SUGCT: variants seen among roughly 807,000 people sequenced by gnomAD.
SUGCT encodes succinyl-CoA:glutarate-CoA transferase.
SUGCT carries 41 observed loss-of-function variants against 55.0 expected under a neutral mutation model. The observed-to-expected ratio is 0.74, with a 90% CI of 0.58 to 0.97. The LOEUF (loss-of-function observed/expected upper bound fraction) is 0.97, where lower values mean the gene tolerates loss of function less well. Ranked by LOEUF, SUGCT falls within the 50% of genes least tolerant of loss-of-function variation. The pLI, the probability that SUGCT is intolerant of heterozygous loss-of-function variation, is 0.00. For missense variants in SUGCT, 568 were observed against 547.8 expected (o/e 1.04, Z -0.37); for synonymous variants, 187 against 200.4 (o/e 0.93, Z 0.56).
At chr7:40,541,613 A>G (rs181347053) in intron 12 of SUGCT, among the ~76,000 whole-genome samples, 19 of 152,344 alleles carry the variant, frequency 1.2e-4, no homozygotes, top group Admixed American at 1.3e-4. Flanking sequence ...TCTATCACAG[A>G]ATCCAGTAAT....
intron 12 of SUGCT, among the ~76,000 whole-genome samples, chr7:40,574,624 G>T (rs1796624627): frequency 6.6e-6 from 1 of 152,152 alleles, no homozygotes; most frequent in African/African-American, 2.4e-5. Context: ...TAGAGACAGG[G>T]TTTCACCATG....
intron 12 of SUGCT, among the ~76,000 whole-genome samples, chr7:40,735,848 T>A (rs1332470821): frequency 1.3e-5 from 2 of 152,118 alleles, no homozygotes; most frequent in African/African-American, 2.4e-5. Context: ...TATCTACAAA[T>A]CTACTGTCCT....
chr7:40,910,841 A>G, the SUGCT span, among the ~76,000 whole-genome samples: 2 of 152,220 alleles, frequency 1.3e-5, no homozygotes, highest in Admixed American at 6.5e-5. Flanking sequence ...CATGTATTTA[A>G]TGATTTCCTT....
intron 11 of SUGCT, among the ~76,000 whole-genome samples, chr7:40,459,811 T>C (rs1386730939): frequency 6.6e-6 from 1 of 152,240 alleles, no homozygotes; most frequent in Non-Finnish European, 1.5e-5. Context: ...TTTCCATTAA[T>C]GTCAGGTTAT....
chr7:40,710,151 C>T (rs532450652), intron 12 of SUGCT, among the ~76,000 whole-genome samples: 18 of 152,270 alleles, frequency 1.2e-4, no homozygotes, highest in Admixed American at 8.5e-4. Context: ...TTCAAAATTC[C>T]CAGTCTTCAC....
intron 12 of SUGCT, among the ~76,000 whole-genome samples, chr7:40,553,974 G>T (rs1795434810): frequency 6.6e-6 from 1 of 152,202 alleles, no homozygotes; most frequent in African/African-American, 2.4e-5. Flanking sequence ...CTCAAACAAG[G>T]ACTGTTAGGA....
chr7:40,756,048 T>C (rs986415392), intron 13 of SUGCT, among the ~76,000 whole-genome samples: 3 of 152,184 alleles, frequency 2.0e-5, no homozygotes, highest in Non-Finnish European at 4.4e-5. Context: ...GATGTTTGGA[T>C]TTTAAGGTGA....
chr7:40,918,932 T>C, the SUGCT span, among the ~76,000 whole-genome samples: 1 of 152,192 alleles, frequency 6.6e-6, no homozygotes, highest in African/African-American at 2.4e-5. Flanking sequence ...GGACTCTGAA[T>C]AGATGGAAAA....
At chr7:40,998,394 GA>G in the SUGCT span, among the ~76,000 whole-genome samples, 1 of 151,812 alleles carries the variant, frequency 6.6e-6, no homozygotes, top group Non-Finnish European at 1.5e-5. Context: ...TAGGTGTGTT[GA>G]ACTGAGTACA....
At chr7:40,972,468 G>A in the SUGCT span, among the ~76,000 whole-genome samples, 5 of 152,160 alleles carry the variant, frequency 3.3e-5, no homozygotes, top group Non-Finnish European at 7.4e-5. Flanking sequence ...ATGTACGTTG[G>A]TTCCCCTTGC....
rs1199811392 is a variant in SUGCT, at chr7:40,186,118, CCTTT to C, written c.227-2371_227-2368del. On this transcript the variant is annotated intron_variant, in intron 3 of 13. Coordinates refer to ENST00000335693, the MANE Select transcript of SUGCT (RefSeq NM_001193313.2). ...TCCTTCCTTCCTTCCTTCCTTCCTT[CCTTT>C]CTTTCCTTCTTTCTTTCTCTCTCTC... Among the ~76,000 whole-genome samples the C allele has an allele frequency of 3.2e-4, 47 of 147,428 alleles. 1 individual carries two copies. Among genetic ancestry groups the C allele is most frequent in the African/African-American group, 1.1e-3 (44 of 39,882 alleles).
intron 9 of SUGCT, among the ~76,000 whole-genome samples, chr7:40,337,760 T>C (rs1177721606): frequency 6.6e-6 from 1 of 152,224 alleles, no homozygotes; most frequent in Non-Finnish European, 1.5e-5. Context: ...TTAAGGTTAC[T>C]ATTGTTATAT....
chr7:40,419,985 T>C (rs147805602), intron 9 of SUGCT, among the ~76,000 whole-genome samples: 86 of 152,310 alleles, frequency 5.6e-4, no homozygotes, highest in African/African-American at 2.0e-3. Context: ...CTCCAAACCA[T>C]GTGCTTTTTC....
intron 12 of SUGCT, among the ~76,000 whole-genome samples, chr7:40,528,309 A>G (rs1194826272): frequency 6.6e-6 from 1 of 152,170 alleles, no homozygotes; most frequent in Non-Finnish European, 1.5e-5. Flanking sequence ...CTCCATGTAG[A>G]TTGATGTTTA....
chr7:40,426,556 G>A lies in SUGCT; in HGVS notation c.817-22731G>A, dbSNP rs566479791. On this transcript the variant is annotated intron_variant, in intron 9 of 13. Transcript: ENST00000335693. ...CCTCTTCAGATGAGCAGAAATATCC[G>A]TTTAAGAACTTGGTTACTTTGGATG... Among the ~76,000 whole-genome samples the A allele has an allele frequency of 5.3e-5, 8 of 152,242 alleles. No individual in the cohort carries two copies. In the South Asian group the frequency reaches 8.3e-4, roughly 16 times the overall value.
the SUGCT span, chr7:40,966,920 A>G: frequency 6.6e-6 from 1 of 152,230 alleles, no homozygotes. Context: ...GGTTGTTTCA[A>G]TGAACCCAGA....
the SUGCT span, among the ~76,000 whole-genome samples, chr7:41,010,012 T>G: frequency 6.6e-6 from 1 of 152,224 alleles, no homozygotes; most frequent in East Asian, 1.9e-4. Context: ...CTACATGTGT[T>G]TGCGCTGGAT....
chr7:40,503,998 A>G (rs1336513172), intron 12 of SUGCT, among the ~76,000 whole-genome samples: 2 of 152,198 alleles, frequency 1.3e-5, no homozygotes, highest in African/African-American at 2.4e-5. Flanking sequence ...ATAAGATGCC[A>G]CTTTGTACAA....
At chr7:40,249,352 T>TA (rs1790196583) in intron 7 of SUGCT, among the ~76,000 whole-genome samples, 1 of 137,428 alleles carries the variant, frequency 7.3e-6, no homozygotes, top group Non-Finnish European at 1.5e-5. Flanking sequence ...TATATAATTA[T>TA]ATTATATAGA....
Sources: allele counts gnomAD v4.1 joint callset (sites outside exome capture counted in the v4.1 genomes callset), GRCh38; gene constraint gnomAD v4.1.1; transcripts MANE v1.5; gene names NCBI Gene and HGNC (gene_info 2026-07-23, HGNC 2026-07-21).